DOCK7: variants seen among roughly 807,000 people sequenced by gnomAD.
The protein encoded by DOCK7 is dedicator of cytokinesis 7, also known as dedicator of cytokinesis protein 7.
DOCK7 carries 138 observed loss-of-function variants against 271.0 expected under a neutral mutation model. The ratio of observed to expected loss-of-function variants is 0.51; its 90% CI spans 0.44 to 0.59. The LOEUF is 0.59. DOCK7 is among the 20% of genes least tolerant of loss of function. The pLI, the probability that DOCK7 is intolerant of heterozygous loss-of-function variation, is 0.00. For synonymous variants in DOCK7, 823 were observed against 876.1 expected (o/e 0.94, Z 1.07); for missense variants, 2,066 against 2,592.4 (o/e 0.80, Z 4.41).
chr1:62,466,634 G>A (rs557203096), intron 48 of DOCK7, among the ~76,000 whole-genome samples: 66 of 152,146 alleles, frequency 4.3e-4, no homozygotes, highest in African/African-American at 1.3e-3. Flanking sequence ...ACTTGCCCCC[G>A]TAAAAACAAC....
At chr1:62,548,423 CT>C (rs34750610) in intron 22 of DOCK7, among the ~76,000 whole-genome samples, 1,682 of 139,052 alleles carry the variant, frequency 0.012, 17 homozygotes, top group Middle Eastern at 0.027. Context: ...TGTCTTAAGT[CT>C]TTTTTTTTTT....
intron 49 of DOCK7, among the ~76,000 whole-genome samples, chr1:62,456,465 C>T (rs1316815237): frequency 1.3e-5 from 2 of 152,080 alleles, no homozygotes; most frequent in Non-Finnish European, 2.9e-5. Context: ...AGGCCAAGTA[C>T]AAAGAGATCA....
At chr1:62,615,695 T>C (rs1652351493) in intron 14 of DOCK7, among the ~76,000 whole-genome samples, 1 of 151,712 alleles carries the variant, frequency 6.6e-6, no homozygotes, top group Admixed American at 6.6e-5. Flanking sequence ...GAGAGAAAAA[T>C]GGTTATTCTA....
chr1:62,501,659 A>G (rs566056222), intron 37 of DOCK7, among the ~76,000 whole-genome samples: 62 of 152,198 alleles, frequency 4.1e-4, no homozygotes, highest in African/African-American at 1.5e-3. Flanking sequence ...ATCTTTTTGA[A>G]CATTTTTTCT....
chr1:62,459,842 G>GT (rs1374644409), intron 48 of DOCK7, among the ~76,000 whole-genome samples: 7 of 152,090 alleles, frequency 4.6e-5, no homozygotes, highest in Admixed American at 4.6e-4. Context: ...GCTCATGTCT[G>GT]TAATCCCAGC....
chr1:62,552,949 A>T, intron 21 of DOCK7, 48 bp from the exon 22 acceptor site: 7 of 1,347,996 alleles, frequency 5.2e-6, no homozygotes, highest in Non-Finnish European at 6.8e-6. Flanking sequence ...ATTAGTCAGG[A>T]AAGGATCTGA....
chr1:62,475,765 G>T lies in DOCK7; in HGVS notation c.5903C>A (p.Thr1968Asn). 6.2e-7 allele frequency: 1 copy of T among 1,614,046 alleles called. No individual in the cohort carries two copies. Among genetic ancestry groups the T allele is most frequent in the East Asian group, 2.2e-5 (1 of 44,862 alleles). ...HEQFKRKTILTTSHAFPYIKT... is the reference protein window; with the variant it reads ...HEQFKRKTILNTSHAFPYIKT... ...AATATAAGGAAAGGCATGAGACGTAGTCAGAATGGTCTTCCTTTTGAATTG... is the reference window on the plus strand; with the variant it reads ...AATATAAGGAAAGGCATGAGACGTATTCAGAATGGTCTTCCTTTTGAATTG... Residue 1968 changes from threonine (T) to asparagine (N), a missense_variant, in exon 46 of 50, where the codon ACT becomes AAT. This residue lies in a region of DOCK7 where 652 missense variants were observed against 922.1 expected (regional missense o/e 0.71). Coordinates refer to ENST00000635253, the MANE Select transcript of DOCK7 (RefSeq NM_001367561.1).
chr1:62,664,245 C>G (rs1255113239), intron 1 of DOCK7, among the ~76,000 whole-genome samples: 5 of 152,292 alleles, frequency 3.3e-5, no homozygotes, highest in African/African-American at 1.2e-4. Flanking sequence ...CAAATCTCAT[C>G]TTGAATTATA....
chr1:62,614,484 A>G (rs1201837752), intron 14 of DOCK7, among the ~76,000 whole-genome samples: 2 of 152,020 alleles, frequency 1.3e-5, no homozygotes, highest in Non-Finnish European at 2.9e-5. Flanking sequence ...AAGCAGGCCA[A>G]TATTGACTCT....
At chr1:62,548,393 A>G (rs1645782003) in intron 22 of DOCK7, among the ~76,000 whole-genome samples, 1 of 151,186 alleles carries the variant, frequency 6.6e-6, no homozygotes, top group Non-Finnish European at 1.5e-5. Context: ...GGAATGACAT[A>G]ATGACTTAAT....
At chr1:62,555,684 CA>C (rs2149432143) in intron 21 of DOCK7, 140 bp downstream of exon 21, 1 of 824,868 alleles carries the variant, frequency 1.2e-6, no homozygotes, top group East Asian at 2.8e-5. Flanking sequence ...GCACCTAGCA[CA>C]GTGAATGGTA....
chr1:62,635,382 A>C (rs1655133701), intron 8 of DOCK7: 1 of 152,490 alleles, frequency 6.6e-6, no homozygotes, highest in African/African-American at 2.4e-5. Flanking sequence ...ACTAAAATAC[A>C]AAAAATTAGC....
rs540390320 is a variant in DOCK7 at position 62,669,901 on chromosome 1, G to A, written c.39-6771C>T. Among the ~76,000 whole-genome samples, 13 of 152,368 alleles carry A rather than the reference G, an allele frequency of 8.5e-5. No individual in the cohort carries two copies. In the East Asian group the frequency reaches 1.9e-3, roughly 23 times the overall value. ...GGGAGGTGTGGAGGGAGAGACACGA[G>A]CGGGAACCGGGGCTGTGTGCGGCAC... On this transcript the variant is annotated intron_variant, in intron 1 of 49. Transcript: ENST00000635253.
chr1:62,496,281 A>T, intron 38 of DOCK7, 58 bp downstream of exon 38: 1 of 1,578,152 alleles, frequency 6.3e-7, no homozygotes, highest in Non-Finnish European at 8.6e-7. Context: ...AACAATTTGG[A>T]AAGTGCCTAT....
chr1:62,604,803 G>T, intron 14 of DOCK7: 1 of 1,612,848 alleles, frequency 6.2e-7, no homozygotes. Context: ...AACAGATTCA[G>T]AAAGCTTTGA....
At chr1:62,633,351 AT>A in intron 10 of DOCK7, 146 bp downstream of exon 10, 4 of 602,924 alleles carry the variant, frequency 6.6e-6, no homozygotes, top group Middle Eastern at 2.9e-4. Flanking sequence ...ACAGAAAAAA[AT>A]ATAGTACTAG....
chr1:62,597,950 A>G (rs752758133), intron 14 of DOCK7: 2 of 1,554,278 alleles, frequency 1.3e-6, no homozygotes, highest in South Asian at 2.5e-5. Flanking sequence ...AAAGCCTCCT[A>G]GAAGAAAAAA....
rs760425486 is a variant in DOCK7, at chr1:62,634,728, T to C, written c.1035+45A>G. Reference sequence around the variant, plus strand: ...AGTTTATAATACTGACAGACAAGTATACAGACACTACAAAATAAACAAATA... The same window carrying C: ...AGTTTATAATACTGACAGACAAGTACACAGACACTACAAAATAAACAAATA... On this transcript the variant is annotated intron_variant, in intron 9 of 49. Coordinates refer to ENST00000635253, the MANE Select transcript of DOCK7 (RefSeq NM_001367561.1). 5.1e-6 allele frequency: 8 copies of C among 1,565,268 alleles called. No homozygotes were observed. The East Asian group carries it at 1.6e-4, about 31-fold the overall frequency.
At chr1:62,575,519 A>G (rs1646919357) in intron 18 of DOCK7, among the ~76,000 whole-genome samples, 1 of 152,234 alleles carries the variant, frequency 6.6e-6, no homozygotes, top group Non-Finnish European at 1.5e-5. Flanking sequence ...CATACGAAAT[A>G]CATGCTAATT....
Sources: allele counts gnomAD v4.1 joint callset (sites outside exome capture counted in the v4.1 genomes callset), GRCh38; gene constraint gnomAD v4.1.1; regional missense constraint gnomAD v4.1.1; transcripts MANE v1.5; gene names NCBI Gene and HGNC (gene_info 2026-07-23, HGNC 2026-07-21).